The following KCNH2 variants were observed in gnomAD, a reference collection of about 807,000 sequenced individuals.
KCNH2 encodes voltage-gated inwardly rectifying potassium channel KCNH2.
A neutral mutation model predicts 95.9 loss-of-function variants in KCNH2; 35 were observed. The observed-to-expected ratio is 0.37, with a 90% confidence interval of 0.28 to 0.48. KCNH2 has a LOEUF of 0.48. Among genes scored for constraint, KCNH2 ranks in the 20% least tolerant of loss-of-function variants. The probability of loss-of-function intolerance (pLI) is 0.99; values close to 1 mark genes in which losing one functional copy is unlikely to be tolerated. For missense variants in KCNH2, 1,274 were observed against 1,702.9 expected (o/e 0.75, Z 4.43); for synonymous variants, 786 against 754.7 (o/e 1.04, Z -0.68).
At position 150,952,217 on chromosome 7, in the gene KCNH2, G is replaced by T. The variant is rs967914241; in HGVS notation, c.1557+208C>A. Among the ~76,000 whole-genome samples the T allele has an allele frequency of 6.6e-6, 1 of 152,218 alleles. No individual in the cohort carries two copies. Among genetic ancestry groups the T allele is most frequent in the Non-Finnish European group, 1.5e-5 (1 of 68,032 alleles). On this transcript the variant is annotated intron_variant, in intron 6 of 14. Coordinates refer to ENST00000262186, the MANE Select transcript of KCNH2 (RefSeq NM_000238.4). This position sits in a 1 kb window ranked among gnomAD's most constrained non-coding sequence, Gnocchi z 7.3. ...GCCCTCTGCAACCTGCGAGGAGCTT[G>T]TGTGGAGAGAAGGAGCATAGGTTTG... is the stretch of plus-strand genomic sequence containing the variant.
chr7:150,953,278 G>A (rs960610352), intron 5 of KCNH2, among the ~76,000 whole-genome samples: 11 of 152,166 alleles, frequency 7.2e-5, no homozygotes, highest in Admixed American at 7.2e-4. Flanking sequence ...GGCCCCAGGA[G>A]CCATAGCCCC....
In KCNH2 at chr7:150,948,445, C is replaced by T. The variant is rs758917587; in HGVS notation, c.2691G>A (p.Lys897=). The T allele has an allele frequency of 3.7e-6, 6 of 1,602,390 alleles. No individual in the cohort carries two copies. Among genetic ancestry groups the T allele is most frequent in the East Asian group, 2.2e-5 (1 of 44,872 alleles). ...RKLSFRRRTD[K]DTEQPGEVSA... is the part of the protein sequence containing the mutation. ...CCTTCCTCCCCTCCCCCGCCTCACCCTTGTCCGTGCGCCTGCGGAAGGACA... is the reference window on the plus strand; with the variant it reads ...CCTTCCTCCCCTCCCCCGCCTCACCTTTGTCCGTGCGCCTGCGGAAGGACA... Residue 897 remains lysine, a splice_region_variant and synonymous_variant, in exon 11 of 15, where the codon AAG becomes AAA. Transcript: ENST00000262186.
chr7:150,970,239 G>A (rs1801804116), intron 2 of KCNH2, among the ~76,000 whole-genome samples: 1 of 151,334 alleles, frequency 6.6e-6, no homozygotes, highest in South Asian at 2.1e-4. Context: ...CCACCTCTGG[G>A]GAGAAAAGAG....
intron 2 of KCNH2, among the ~76,000 whole-genome samples, chr7:150,971,110 G>T (rs1801829346): frequency 6.6e-6 from 1 of 152,248 alleles, no homozygotes; most frequent in South Asian, 2.1e-4. Flanking sequence ...AGGAAGAAAT[G>T]AAGAAGGCAA....
Position 150,960,181 on chromosome 7 carries a change from G to A in KCNH2, c.308-445C>T, listed in dbSNP as rs747051762. The stretch of plus-strand genomic sequence containing the variant: ...CCTACGATCTCTGGGTTCATAGCCC[G>A]GATCTGCTGCTTAATCACTTATGCT... On this transcript the variant is annotated intron_variant, in intron 2 of 14. Coordinates refer to ENST00000262186, the MANE Select transcript of KCNH2 (RefSeq NM_000238.4). 3.3e-5 allele frequency among the ~76,000 whole-genome samples: 5 copies of A among 152,228 alleles called. No homozygotes were observed. In the East Asian group the frequency reaches 7.7e-4, roughly 24 times the overall value.
intron 1 of KCNH2, 28 bp downstream of exon 1, chr7:150,977,800 CAGAGCCCCCT>C: frequency 9.2e-6 from 10 of 1,082,530 alleles, no homozygotes; most frequent in Non-Finnish European, 1.4e-5. Flanking sequence ...GGCCCGCCCC[CAGAGCCCCCT>C]CCCCGCTCAG....
At chr7:150,969,884 C>G (rs1801795052) in intron 2 of KCNH2, among the ~76,000 whole-genome samples, 1 of 152,124 alleles carries the variant, frequency 6.6e-6, no homozygotes, top group African/African-American at 2.4e-5. Context: ...CAGGCCACAG[C>G]ATAGAGATCT....
chr7:150,954,849 C>T (rs1027366362), intron 5 of KCNH2, among the ~76,000 whole-genome samples: 16 of 152,310 alleles, frequency 1.1e-4, no homozygotes, highest in East Asian at 3.9e-4. Flanking sequence ...CACCACACCT[C>T]GGCTGCCCAT....
chr7:150,952,302 T>G lies in KCNH2; in HGVS notation c.1557+123A>C. 2 of 1,096,836 alleles carry G rather than the reference T, an allele frequency of 1.8e-6. No individual in the cohort carries two copies. Among genetic ancestry groups the G allele is most frequent in the Non-Finnish European group, 2.7e-6 (2 of 746,894 alleles). The allele number at this position is 1,096,836 out of a possible 1,614,324, so 67.9% of individuals were successfully genotyped here. A position where few individuals can be genotyped will look rare whatever the true frequency, so the allele number is the denominator to read the frequency against. On this transcript the variant is annotated intron_variant, in intron 6 of 14. Coordinates refer to ENST00000262186, the MANE Select transcript of KCNH2 (RefSeq NM_000238.4). This position sits in a 1 kb window ranked among gnomAD's most constrained non-coding sequence, Gnocchi z 7.3. ...CCACCATGTCTCTCTCCCACTGTCT[T>G]TCTCTCTTTCTCTCTCTCTCTCTTT... is the stretch of plus-strand genomic sequence containing the variant.
chr7:150,954,639 A>C (rs1417557802), intron 5 of KCNH2, among the ~76,000 whole-genome samples: 2 of 152,188 alleles, frequency 1.3e-5, no homozygotes, highest in Non-Finnish European at 2.9e-5. Flanking sequence ...ACCTACCTGT[A>C]CCTGTCCCCC....
chr7:150,967,971 C>T (rs1477895308), intron 2 of KCNH2, among the ~76,000 whole-genome samples: 1 of 152,168 alleles, frequency 6.6e-6, no homozygotes, highest in African/African-American at 2.4e-5. Context: ...TTAAAATGAG[C>T]AAAGGACATG....
chr7:150,954,407 A>C (rs1219739516), intron 5 of KCNH2, among the ~76,000 whole-genome samples: 1 of 152,194 alleles, frequency 6.6e-6, no homozygotes, highest in African/African-American at 2.4e-5. Flanking sequence ...CCCTAACAGC[A>C]GTGACCCTAC....
chr7:150,948,571 T>G, intron 10 of KCNH2, 28 bp from the exon 11 acceptor site: 2 of 1,584,386 alleles, frequency 1.3e-6, no homozygotes, highest in South Asian at 2.2e-5. Context: ...ATCAGGGCCC[T>G]TTCAGTGCTC....
In KCNH2 at chr7:150,975,054, A is replaced by C. The variant is rs1584883712; in HGVS notation, c.77-113T>G. The C allele has an allele frequency of 5.5e-6, 5 of 911,544 alleles. No homozygotes were observed. The East Asian group carries it at 1.4e-4, about 25-fold the overall frequency. The allele number at this position is 911,544 out of a possible 1,614,324, so 56.5% of individuals were successfully genotyped here. A position where few individuals can be genotyped will look rare whatever the true frequency, so the allele number is the denominator to read the frequency against. On this transcript the variant is annotated intron_variant, in intron 1 of 14. Coordinates refer to ENST00000262186, the MANE Select transcript of KCNH2 (RefSeq NM_000238.4). ...CCGCCCGGGGACTCCCCGCCACAGG[A>C]AGCATGGCTGGGACTGGGGTCCCAG...
chr7:150,956,358 C>T (rs1186541086), intron 5 of KCNH2, among the ~76,000 whole-genome samples: 3 of 152,070 alleles, frequency 2.0e-5, no homozygotes, highest in Admixed American at 6.5e-5. Flanking sequence ...GCCAGGAGCC[C>T]GCCGAGGTAG....
At chr7:150,951,873 C>T (rs767481938) in intron 6 of KCNH2, 38 bp from the exon 7 acceptor site, 1 of 1,519,484 alleles carries the variant, frequency 6.6e-7, no homozygotes, top group Non-Finnish European at 8.8e-7. Flanking sequence ...GTTGATGGGG[C>T]AAGGGGGGCA....
rs1408538509 is a variant in KCNH2, at chr7:150,959,591, G to T, written c.453C>A (p.Pro151=). 2 of 1,613,904 alleles carry T rather than the reference G, an allele frequency of 1.2e-6. No individual in the cohort carries two copies. Among genetic ancestry groups the T allele is most frequent in the Non-Finnish European group, 8.5e-7 (1 of 1,179,876 alleles). Reference sequence around the variant, plus strand: ...ACTTACCTGGGGCCAGCCAGCTGGTGGGGGGGCCCCGGTGGTTGGTGTCAT... The same window carrying T: ...ACTTACCTGGGGCCAGCCAGCTGGTTGGGGGGCCCCGGTGGTTGGTGTCAT... The part of the protein sequence containing the change: ...PAHDTNHRGP[P]TSWLAPGRAK... Residue 151 remains proline, a synonymous_variant, in exon 3 of 15, where the codon CCC becomes CCA. Transcript: ENST00000262186.
intron 2 of KCNH2, among the ~76,000 whole-genome samples, chr7:150,972,743 T>G (rs1801871802): frequency 6.6e-6 from 1 of 152,244 alleles, no homozygotes; most frequent in African/African-American, 2.4e-5. Flanking sequence ...TCACTGGTCA[T>G]CAGACCTCTG....
At position 150,962,879 on chromosome 7, in the gene KCNH2, C is replaced by T. The variant is rs372252492; in HGVS notation, c.308-3143G>A. Among the ~76,000 whole-genome samples the T allele has an allele frequency of 7.6e-4, 116 of 152,282 alleles. 1 individual carries two copies. In the East Asian group the frequency reaches 0.016, roughly 21 times the overall value. ...GAGGCACTGCCTGCAACCACCCTGC[C>T]GCGTCGGCTGGGGCTTCGGTGAACT... On this transcript the variant is annotated intron_variant, in intron 2 of 14. Coordinates refer to ENST00000262186, the MANE Select transcript of KCNH2 (RefSeq NM_000238.4). This position sits in a 1 kb window ranked among gnomAD's most constrained non-coding sequence, Gnocchi z 5.7.
Sources: allele counts gnomAD v4.1 joint callset (sites outside exome capture counted in the v4.1 genomes callset), GRCh38; gene constraint gnomAD v4.1.1; non-coding constraint Gnocchi (gnomAD v3.1); transcripts MANE v1.5; gene names NCBI Gene and HGNC (gene_info 2026-07-23, HGNC 2026-07-21).